Variants in NFIA observed in about 807,000 individuals in gnomAD.
NFIA encodes nuclear factor I A, also known as nuclear factor 1 A-type.
NFIA carries 8 observed loss-of-function variants against 62.8 expected under a neutral mutation model. That is an observed-to-expected ratio of 0.13 (90% CI 0.07 to 0.23). NFIA has a LOEUF of 0.23. NFIA is among the 10% of genes least tolerant of loss of function. The pLI is 1.00. For missense variants in NFIA, 410 were observed against 642.1 expected, an observed-to-expected ratio of 0.64 and a Z score of 3.91; for synonymous variants, 235 against 238.1, an observed-to-expected ratio of 0.99 and a Z score of 0.12.
At chr1:61,358,502 C>T (rs1557730061) in intron 5 of NFIA, among the ~76,000 whole-genome samples, 2 of 149,554 alleles carry the variant, frequency 1.3e-5, no homozygotes, top group Admixed American at 1.4e-4. Context: ...TGTCCTGCCT[C>T]AGCCTCCCGA....
intron 6 of NFIA, 53 bp downstream of exon 6, chr1:61,359,327 C>A: frequency 6.2e-7 from 1 of 1,609,892 alleles, no homozygotes; most frequent in South Asian, 1.1e-5. Flanking sequence ...ACTGAAAATA[C>A]GTGTGGGGTC....
chr1:61,406,542 T>TTCC lies in NFIA; in HGVS notation c.1255-20_1255-19insTCC. The TTCC allele has an allele frequency of 8.0e-7, 1 of 1,253,828 alleles. No homozygotes were observed. The highest frequency in any genetic ancestry group is 1.4e-5 in the South Asian group (1 of 72,750). 77.7% of individuals were successfully genotyped at this position (1,253,828 alleles called of 1,614,324 possible). Reference sequence around the variant, plus strand: ...TTCTTTTTCTTGTACGTGTGTTTTCTGCCCCCCCCCCCCCCACAGCCCAAT... The same window carrying TTCC: ...TTCTTTTTCTTGTACGTGTGTTTTCTTCCGCCCCCCCCCCCCCCACAGCCCAAT... On this transcript the variant is annotated intron_variant, in intron 8 of 10. Coordinates refer to ENST00000403491, the MANE Select transcript of NFIA (RefSeq NM_001134673.4).
intron 2 of NFIA, among the ~76,000 whole-genome samples, chr1:61,210,433 A>G (rs544772812): frequency 1.2e-4 from 18 of 152,350 alleles, no homozygotes; most frequent in Non-Finnish European, 2.4e-4. Flanking sequence ...CTAAGGGCTT[A>G]AATTATTATC....
upstream of NFIA, chr1:61,081,957 G>T (rs1646101101): frequency 6.4e-7 from 1 of 1,550,552 alleles, no homozygotes; most frequent in Non-Finnish European, 8.7e-7. Context: ...CAAATGTGCC[G>T]CCCGGCCTCC....
upstream of NFIA, among the ~76,000 whole-genome samples, chr1:61,078,918 T>C (rs1165215407): frequency 6.6e-6 from 1 of 152,244 alleles, no homozygotes; most frequent in African/African-American, 2.4e-5. Flanking sequence ...AGACAGTAAC[T>C]GGCAGCCTCT....
chr1:61,256,869 A>ATG (rs1491192989), intron 2 of NFIA, among the ~76,000 whole-genome samples: 1 of 152,036 alleles, frequency 6.6e-6, no homozygotes, highest in Non-Finnish European at 1.5e-5. Context: ...ATGGCACTGC[A>ATG]TGTGTGTGTG....
intron 9 of NFIA, among the ~76,000 whole-genome samples, chr1:61,423,293 A>G (rs908618351): frequency 1.3e-5 from 2 of 151,926 alleles, no homozygotes; most frequent in Non-Finnish European, 2.9e-5. Context: ...CAAATAATCA[A>G]TGATTTGATT....
At chr1:61,077,359 AGAGC>A (rs544510913), upstream of NFIA, 233 of 366,238 alleles carry the variant, frequency 6.4e-4, no homozygotes, top group East Asian at 3.8e-3. Context: ...AGAGAGAGTG[AGAGC>A]GAGCGAGCGA....
intron 2 of NFIA, among the ~76,000 whole-genome samples, chr1:61,232,787 T>C (rs1324402430): frequency 6.6e-6 from 1 of 152,164 alleles, no homozygotes; most frequent in Non-Finnish European, 1.5e-5. Context: ...CCTTTTTATG[T>C]AAGTTTTTTT....
At chr1:61,320,716 T>G (rs1406512330) in intron 3 of NFIA, among the ~76,000 whole-genome samples, 1 of 152,108 alleles carries the variant, frequency 6.6e-6, no homozygotes, top group Non-Finnish European at 1.5e-5. Flanking sequence ...GCAAGCAGGA[T>G]TCTCTGTAAA....
chr1:61,382,712 T>A (rs1347928114), intron 6 of NFIA, among the ~76,000 whole-genome samples: 2 of 152,214 alleles, frequency 1.3e-5, no homozygotes, highest in Non-Finnish European at 2.9e-5. Flanking sequence ...ATTTTTTTAC[T>A]TTTCTTTTTT....
intron 9 of NFIA, among the ~76,000 whole-genome samples, chr1:61,414,961 CTTAGT>C (rs1666285968): frequency 6.6e-6 from 1 of 152,168 alleles, no homozygotes. Flanking sequence ...CTCACCTACT[CTTAGT>C]TTAAAGTCTG....
At chr1:61,214,386 CAAT>C (rs745679830) in intron 2 of NFIA, among the ~76,000 whole-genome samples, 17 of 151,710 alleles carry the variant, frequency 1.1e-4, no homozygotes, top group Non-Finnish European at 2.4e-4. Flanking sequence ...CATAGAATCT[CAAT>C]GATGGGAATT....
At chr1:61,156,195 G>A (rs1407479165) in intron 2 of NFIA, among the ~76,000 whole-genome samples, 2 of 152,174 alleles carry the variant, frequency 1.3e-5, no homozygotes, top group Non-Finnish European at 2.9e-5. Flanking sequence ...TAGAGCTGGA[G>A]GGGACCTAAG....
chr1:61,320,954 C>G (rs1660649468), intron 3 of NFIA, among the ~76,000 whole-genome samples: 1 of 152,066 alleles, frequency 6.6e-6, no homozygotes, highest in African/African-American at 2.4e-5. Flanking sequence ...AAAGCTATTA[C>G]AAATAGCTTG....
intron 2 of NFIA, among the ~76,000 whole-genome samples, chr1:61,166,694 G>A (rs1209153325): frequency 6.6e-6 from 1 of 152,036 alleles, no homozygotes; most frequent in Non-Finnish European, 1.5e-5. Flanking sequence ...AGACTCTTAG[G>A]TGTTAATTTT....
intron 6 of NFIA, among the ~76,000 whole-genome samples, chr1:61,369,748 A>G (rs1196810196): frequency 6.6e-6 from 1 of 152,020 alleles, no homozygotes; most frequent in East Asian, 1.9e-4. Flanking sequence ...AGCACTTACT[A>G]TGGGCCACAC....
In NFIA at chr1:61,359,564, TG is replaced by T. The variant is rs1056846198; in HGVS notation, c.946+291del. ...GCATTTGATTTGCTTTTGGTTTTTTTGTTTGTTTTGTTTTGTTTGTTTGTTT... is the reference window on the plus strand; with the variant it reads ...GCATTTGATTTGCTTTTGGTTTTTTTTTTGTTTTGTTTTGTTTGTTTGTTT... On this transcript the variant is annotated intron_variant, in intron 6 of 10. Coordinates refer to ENST00000403491, the MANE Select transcript of NFIA (RefSeq NM_001134673.4). 4.7e-4 allele frequency among the ~76,000 whole-genome samples: 71 copies of T among 152,272 alleles called. 1 individual carries two copies. Among genetic ancestry groups the T allele is most frequent in the Middle Eastern group, 6.8e-3 (2 of 294 alleles).
At chr1:61,187,277 C>T (rs1180081482) in intron 2 of NFIA, among the ~76,000 whole-genome samples, 3 of 152,266 alleles carry the variant, frequency 2.0e-5, no homozygotes, top group Non-Finnish European at 4.4e-5. Flanking sequence ...GCCCGAGCCC[C>T]CCTTCTCATG....
Sources: gnomAD v4.1 joint callset for allele counts (sites outside exome capture counted in the v4.1 genomes callset) on GRCh38, gnomAD v4.1.1 for gene constraint, MANE v1.5 for transcripts, NCBI Gene and HGNC (gene_info 2026-07-23, HGNC 2026-07-21) for gene names.